SYCP2: variants seen among roughly 807,000 people sequenced by gnomAD.
The protein encoded by SYCP2 is synaptonemal complex lateral element protein.
SYCP2 carries 55 observed loss-of-function variants against 211.3 expected under a neutral mutation model. That is an observed-to-expected ratio of 0.26 (90% CI 0.21 to 0.33). SYCP2 has a LOEUF of 0.33. Ranked by LOEUF, SYCP2 falls within the 10% of genes least tolerant of loss-of-function variation. The probability of loss-of-function intolerance (pLI) is 1.00; values close to 1 mark genes in which losing one functional copy is unlikely to be tolerated. For missense variants in SYCP2, 1,731 were observed against 1,752.0 expected (o/e 0.99, Z 0.21); for synonymous variants, 570 against 555.2 (o/e 1.03, Z -0.37).
intron 5 of SYCP2, among the ~76,000 whole-genome samples, chr20:59,920,155 A>C (rs2060514070): frequency 6.6e-6 from 1 of 151,734 alleles, no homozygotes; most frequent in Non-Finnish European, 1.5e-5. Flanking sequence ...GCTTAAACTC[A>C]CATGATTACC....
chr20:59,923,554 T>A (rs542793183), intron 2 of SYCP2, among the ~76,000 whole-genome samples: 78 of 151,920 alleles, frequency 5.1e-4, no homozygotes, highest in Non-Finnish European at 9.0e-4. Context: ...TTTTTTTTAA[T>A]TAGCTGGGTA....
At chr20:59,890,039 C>A (rs2145722489) in intron 24 of SYCP2, among the ~76,000 whole-genome samples, 1 of 152,224 alleles carries the variant, frequency 6.6e-6, no homozygotes, top group African/African-American at 2.4e-5. Context: ...CCCAGCAATC[C>A]CATTACTGGG....
Position 59,875,620 on chromosome 20 carries a change from C to A in SYCP2, c.3151-151G>T, listed in dbSNP as rs6092837. The A allele has an allele frequency of 7.2e-4, 392 of 543,614 alleles. 2 individuals carry two copies. The East Asian group carries it at 8.9e-3, about 12-fold the overall frequency. 33.7% of individuals were successfully genotyped at this position (543,614 alleles called of 1,614,324 possible). A position where few individuals can be genotyped will look rare whatever the true frequency, so the allele number is the denominator to read the frequency against. On this transcript the variant is annotated intron_variant, in intron 33 of 44. Transcript: ENST00000357552. ...CTAGACATGAGTAGTGAAAGACTTT[C>A]TAATATACTAGAAGCCATAAGACAA...
At chr20:59,920,857 T>C (rs2060528426) in intron 4 of SYCP2, among the ~76,000 whole-genome samples, 1 of 151,646 alleles carries the variant, frequency 6.6e-6, no homozygotes, top group Admixed American at 6.6e-5. Flanking sequence ...GGTAAGGGGA[T>C]TATCAATAAT....
At chr20:59,927,818 C>A (rs964351828) in intron 2 of SYCP2, among the ~76,000 whole-genome samples, 1 of 152,100 alleles carries the variant, frequency 6.6e-6, no homozygotes, top group African/African-American at 2.4e-5. Context: ...CTCAGGCTCA[C>A]CCTTTTGTTT....
intron 8 of SYCP2, 120 bp from the exon 9 acceptor site, chr20:59,915,670 G>A (rs1568975824): frequency 3.0e-6 from 2 of 672,800 alleles, no homozygotes; most frequent in African/African-American, 1.8e-5. Flanking sequence ...GTTTTATTAT[G>A]GGAATGGAGT....
At chr20:59,898,666 A>T (rs561288905) in intron 18 of SYCP2, among the ~76,000 whole-genome samples, 2 of 152,328 alleles carry the variant, frequency 1.3e-5, no homozygotes, top group African/African-American at 4.8e-5. Flanking sequence ...CCTATGTAAC[A>T]AACTTGCATG....
rs143179135 is a variant in SYCP2, at chr20:59,913,773, C to T, written c.830+202G>A. 8.2e-4 allele frequency among the ~76,000 whole-genome samples: 124 copies of T among 152,020 alleles called. 1 individual carries two copies. The East Asian group carries it at 0.022, about 27-fold the overall frequency. ...CTAAAAAGTACAAAATAAAACAAGG[C>T]CAGTGCAGAATTATTTCAGATTACT... On this transcript the variant is annotated intron_variant, in intron 12 of 44. Transcript: ENST00000357552.
chr20:59,901,862 A>C (rs746732797), intron 15 of SYCP2, 52 bp from the exon 16 acceptor site: 2 of 1,357,868 alleles, frequency 1.5e-6, no homozygotes, highest in East Asian at 4.9e-5. Flanking sequence ...CTACTCTGCA[A>C]GTATACTATA....
intron 15 of SYCP2, among the ~76,000 whole-genome samples, chr20:59,904,493 C>T (rs571155834): frequency 4.0e-4 from 61 of 152,220 alleles, no homozygotes; most frequent in Non-Finnish European, 7.1e-4. Flanking sequence ...CACAGACCAA[C>T]ATCCATGACT....
chr20:59,915,260 T>G, intron 9 of SYCP2, 61 bp from the exon 10 acceptor site: 1 of 1,288,988 alleles, frequency 7.8e-7, no homozygotes, highest in Non-Finnish European at 1.1e-6. Flanking sequence ...GAAGTCCACA[T>G]GTTTAGGAGG....
chr20:59,925,350 G>A (rs1333341897), intron 2 of SYCP2, among the ~76,000 whole-genome samples: 4 of 151,922 alleles, frequency 2.6e-5, no homozygotes, highest in African/African-American at 7.2e-5. Context: ...TGCACATGTA[G>A]CCCAGAACTT....
At chr20:59,911,137 T>C (rs1258637840) in intron 14 of SYCP2, among the ~76,000 whole-genome samples, 3 of 152,166 alleles carry the variant, frequency 2.0e-5, no homozygotes, top group Non-Finnish European at 4.4e-5. Flanking sequence ...GCAAACGGAC[T>C]GCATAATTTG....
In SYCP2 at chr20:59,865,380, T is replaced by TG; in HGVS notation, c.4515+7dup. 6.2e-7 allele frequency: 1 copy of TG among 1,600,612 alleles called. No individual in the cohort carries two copies. The highest frequency in any genetic ancestry group is 8.5e-7 in the Non-Finnish European group (1 of 1,174,268). On this transcript the variant is annotated splice_region_variant and intron_variant, in intron 44 of 44. Coordinates refer to ENST00000357552, the MANE Select transcript of SYCP2 (RefSeq NM_014258.4). ...TGATTATCCCATTTTCAAACTTAGT[T>TG]GACTTACCATGTCCTTAAGAAGCCT...
At chr20:59,880,552 C>G in intron 30 of SYCP2, 81 bp from the exon 31 acceptor site, 1 of 773,342 alleles carries the variant, frequency 1.3e-6, no homozygotes, top group Non-Finnish European at 1.9e-6. Flanking sequence ...AAAACAACAA[C>G]AACAACAAAA....
chr20:59,930,283 A>C (rs1479126034), intron 2 of SYCP2, among the ~76,000 whole-genome samples: 4 of 152,242 alleles, frequency 2.6e-5, no homozygotes. Flanking sequence ...AAATGCTTAA[A>C]GAAGTCGGGG....
rs193179710 is a variant in SYCP2 at position 59,914,081 on chromosome 20, G to A, written c.777+28C>T. On this transcript the variant is annotated intron_variant, in intron 11 of 44. Coordinates refer to ENST00000357552, the MANE Select transcript of SYCP2 (RefSeq NM_014258.4). ...ATCATAATAATTTTTAAAAATTCAC[G>A]AATTTCTGTTATTGTTATACAACTT... 180 of 1,573,772 alleles carry A rather than the reference G, an allele frequency of 1.1e-4. No individual in the cohort carries two copies. In the African/African-American group the frequency reaches 1.8e-3, roughly 15 times the overall value.
At chr20:59,873,305 G>A (rs1176770406) in intron 35 of SYCP2, among the ~76,000 whole-genome samples, 2 of 152,176 alleles carry the variant, frequency 1.3e-5, no homozygotes, top group East Asian at 1.9e-4. Flanking sequence ...GTATTGTTAA[G>A]TAAAATAAGG....
In SYCP2 at chr20:59,891,984, G is replaced by A. The variant is rs765831370; in HGVS notation, c.2364+6C>T. The stretch of plus-strand genomic sequence containing the variant: ...ATGCAGAAATCAAAACACATTGAAA[G>A]CTCACCATTTTTTTTTGTTTCGAAT... On this transcript the variant is annotated splice_donor_region_variant and intron_variant, in intron 24 of 44. Coordinates refer to ENST00000357552, the MANE Select transcript of SYCP2 (RefSeq NM_014258.4). 6.4e-7 allele frequency: 1 copy of A among 1,572,558 alleles called. No homozygotes were observed. Among genetic ancestry groups the A allele is most frequent in the Admixed American group, 1.9e-5 (1 of 51,856 alleles).
Sources: allele counts gnomAD v4.1 joint callset (sites outside exome capture counted in the v4.1 genomes callset), GRCh38; gene constraint gnomAD v4.1.1; transcripts MANE v1.5; gene names NCBI Gene and HGNC (gene_info 2026-07-23, HGNC 2026-07-21).